The following HS3ST5 variants were observed in gnomAD, a reference collection of about 807,000 sequenced individuals.
The protein encoded by HS3ST5 is heparan sulfate-glucosamine 3-sulfotransferase 5.
Under a neutral mutation model 25.4 loss-of-function variants are expected in HS3ST5, and 10 were observed. The observed-to-expected ratio is 0.39, with a 90% confidence interval of 0.24 to 0.67. The LOEUF (loss-of-function observed/expected upper bound fraction) is 0.67. Ranked by LOEUF, HS3ST5 falls within the 30% of genes least tolerant of loss-of-function variation. The pLI, the probability that HS3ST5 is intolerant of heterozygous loss-of-function variation, is 0.44. For synonymous variants in HS3ST5, 170 were observed against 162.4 expected, an observed-to-expected ratio of 1.05 and a Z score of -0.36; for missense variants, 324 against 420.7, an observed-to-expected ratio of 0.77 and a Z score of 2.01.
In HS3ST5 at chr6:114,342,201, C is replaced by A; in HGVS notation, c.-345G>T. On this transcript the variant is annotated 5_prime_UTR_variant, in exon 1 of 5. Transcript: ENST00000312719. The stretch of plus-strand genomic sequence containing the variant: ...GGCAGCGCGCCTTGCTCACCGTGGT[C>A]CCCGGCGGTGGCGGCGCGGGCGGGA... 6.5e-6 allele frequency: 1 copy of A among 152,862 alleles called. No homozygotes were observed. Among genetic ancestry groups the A allele is most frequent in the South Asian group, 1.9e-4 (1 of 5,334 alleles). 9.5% of individuals were successfully genotyped at this position (152,862 alleles called of 1,614,324 possible).
chr6:114,261,236 T>C (rs1037075323), intron 1 of HS3ST5, among the ~76,000 whole-genome samples: 1 of 152,048 alleles, frequency 6.6e-6, no homozygotes, highest in Non-Finnish European at 1.5e-5. Flanking sequence ...ATGGGAAAAG[T>C]TCAGGGTTTT....
chr6:114,272,456 G>T (rs957158690), intron 1 of HS3ST5, among the ~76,000 whole-genome samples: 3 of 152,148 alleles, frequency 2.0e-5, no homozygotes, highest in Non-Finnish European at 4.4e-5. Context: ...GCTTTGCAGA[G>T]AAGGGTATGG....
intron 3 of HS3ST5, among the ~76,000 whole-genome samples, chr6:114,080,862 G>A (rs1293342986): frequency 2.0e-5 from 3 of 150,286 alleles, no homozygotes; most frequent in Non-Finnish European, 4.4e-5. Context: ...GGTACCATTT[G>A]TACCCTAGAC....
chr6:114,105,159 A>G (rs1775932403), intron 3 of HS3ST5, among the ~76,000 whole-genome samples: 1 of 152,200 alleles, frequency 6.6e-6, no homozygotes, highest in South Asian at 2.1e-4. Context: ...GAGGAAAAAT[A>G]CATTAGGAAA....
intron 1 of HS3ST5, among the ~76,000 whole-genome samples, chr6:114,253,405 C>T (rs1222647824): frequency 6.6e-6 from 1 of 152,148 alleles, no homozygotes. Flanking sequence ...ATCGCTGTTT[C>T]CTACTGAGTT....
intron 3 of HS3ST5, among the ~76,000 whole-genome samples, chr6:114,104,069 C>A (rs1246384930): frequency 6.6e-6 from 1 of 151,684 alleles, no homozygotes; most frequent in Non-Finnish European, 1.5e-5. Context: ...ATTCTGTTAT[C>A]CAGGGAGGGG....
At chr6:114,263,636 G>A (rs753148184) in intron 1 of HS3ST5, among the ~76,000 whole-genome samples, 2 of 152,128 alleles carry the variant, frequency 1.3e-5, no homozygotes, top group Non-Finnish European at 2.9e-5. Context: ...TGCTGATAGC[G>A]AAAGTCCCCA....
intron 1 of HS3ST5, among the ~76,000 whole-genome samples, chr6:114,316,661 T>C (rs1247441821): frequency 6.6e-6 from 1 of 152,182 alleles, no homozygotes; most frequent in Admixed American, 6.5e-5. Context: ...TTTACACTCT[T>C]GGGCTAACAA....
intron 2 of HS3ST5, among the ~76,000 whole-genome samples, chr6:114,173,546 T>C (rs912407470): frequency 2.6e-5 from 4 of 152,190 alleles, no homozygotes; most frequent in African/African-American, 9.6e-5. Flanking sequence ...TAAATTTAGC[T>C]ACTAAATTGT....
intron 3 of HS3ST5, among the ~76,000 whole-genome samples, chr6:114,122,942 TTTTGTTTG>T (rs551616098): frequency 2.6e-5 from 4 of 152,082 alleles, no homozygotes; most frequent in Non-Finnish European, 4.4e-5. Context: ...TACAGATAGT[TTTTGTTTG>T]TTTGTTTGTT....
At chr6:114,164,438 CT>C (rs1779113082) in intron 3 of HS3ST5, among the ~76,000 whole-genome samples, 1 of 152,062 alleles carries the variant, frequency 6.6e-6, no homozygotes, top group Admixed American at 6.6e-5. Context: ...TGTCACAGGC[CT>C]ATATTTTTAG....
rs538598069 is a variant in HS3ST5 at position 114,334,141 on chromosome 6, A to G, written c.-339+8054T>C. Among the ~76,000 whole-genome samples, 10 of 152,318 alleles carry G rather than the reference A, an allele frequency of 6.6e-5. No homozygotes were observed. The East Asian group carries it at 1.9e-3, about 29-fold the overall frequency. On this transcript the variant is annotated intron_variant, in intron 1 of 4. Transcript: ENST00000312719. The stretch of plus-strand genomic sequence containing the variant: ...TACCACGGAAATAGGGATGAAAAGA[A>G]TACAATCCCTGTCCCTGAGAAGCAC...
chr6:114,166,613 G>A (rs1779219693), intron 3 of HS3ST5, among the ~76,000 whole-genome samples: 1 of 152,056 alleles, frequency 6.6e-6, no homozygotes, highest in African/African-American at 2.4e-5. Flanking sequence ...CTATTACACA[G>A]GGTGAGGGAG....
At chr6:114,152,032 G>A (rs1387623642) in intron 3 of HS3ST5, among the ~76,000 whole-genome samples, 4 of 152,054 alleles carry the variant, frequency 2.6e-5, no homozygotes, top group African/African-American at 9.7e-5. Context: ...CCGGCTTCAA[G>A]CGATTCTTTT....
intron 3 of HS3ST5, chr6:114,132,423 C>T (rs1342697374): frequency 6.6e-6 from 1 of 152,190 alleles, no homozygotes; most frequent in Non-Finnish European, 1.5e-5. Flanking sequence ...GTAAAGCTCA[C>T]CCTCTTGTTT....
At chr6:114,225,781 A>C (rs1771242973) in intron 2 of HS3ST5, among the ~76,000 whole-genome samples, 1 of 152,050 alleles carries the variant, frequency 6.6e-6, no homozygotes, top group Non-Finnish European at 1.5e-5. Flanking sequence ...GTTCATCTAC[A>C]TAAACTGTCA....
At chr6:114,210,164 T>TA (rs1562239038) in intron 2 of HS3ST5, among the ~76,000 whole-genome samples, 2 of 152,310 alleles carry the variant, frequency 1.3e-5, no homozygotes, top group South Asian at 4.1e-4. Flanking sequence ...TAGTAGTAAT[T>TA]ACAAACTGAA....
At chr6:114,153,167 G>A (rs1021205333) in intron 3 of HS3ST5, among the ~76,000 whole-genome samples, 8 of 152,110 alleles carry the variant, frequency 5.3e-5, no homozygotes, top group African/African-American at 1.9e-4. Context: ...CAGAGCTGCC[G>A]TTTGGATCCT....
chr6:114,172,136 A>C (rs2115005487), intron 2 of HS3ST5, among the ~76,000 whole-genome samples: 1 of 152,300 alleles, frequency 6.6e-6, no homozygotes, highest in Non-Finnish European at 1.5e-5. Context: ...AAAGCTGTAA[A>C]ATCAGACTCA....
Sources: allele counts gnomAD v4.1 joint callset (sites outside exome capture counted in the v4.1 genomes callset), GRCh38; gene constraint gnomAD v4.1.1; transcripts MANE v1.5; gene names NCBI Gene and HGNC (gene_info 2026-07-23, HGNC 2026-07-21).